Variants in ZAN observed in about 807,000 individuals in gnomAD.
The protein encoded by ZAN is zonadhesin.
ZAN carries 260 observed loss-of-function variants against 286.2 expected under a neutral mutation model. The ratio of observed to expected loss-of-function variants is 0.91; its 90% confidence interval spans 0.82 to 1.01. The LOEUF (loss-of-function observed/expected upper bound fraction) is 1.01, where lower values mean the gene tolerates loss of function less well. Among genes scored for constraint, ZAN ranks in the 50% least tolerant of loss-of-function variants. The pLI is 0.00. For synonymous variants in ZAN, 1,368 were observed against 1,417.5 expected, an observed-to-expected ratio of 0.97 and a Z score of 0.79; for missense variants, 3,410 against 3,639.2, an observed-to-expected ratio of 0.94 and a Z score of 1.62.
chr7:100,755,516 A>C (rs1048475457), intron 15 of ZAN, 106 bp downstream of exon 15: 247 of 1,322,272 alleles, frequency 1.9e-4, no homozygotes, highest in Middle Eastern at 2.6e-4. Flanking sequence ...ATCACCGGAT[A>C]GTCCCAAGGG....
rs1584641315 is a variant in ZAN, at chr7:100,795,077, T to C, written c.8126-119T>C. 3 of 1,345,346 alleles carry C rather than the reference T, an allele frequency of 2.2e-6. 1 individual carries two copies. The allele number at this position is 1,345,346 out of a possible 1,614,324, so 83.3% of individuals were successfully genotyped here. A position where few individuals can be genotyped will look rare whatever the true frequency, so the allele number is the denominator to read the frequency against. On this transcript the variant is annotated intron_variant, in intron 44 of 47. Coordinates refer to ENST00000613979, the MANE Select transcript of ZAN (RefSeq NM_003386.3). ...GTTGGGAGCCAGGCTGGCTGACCCC[T>C]GGCCAGTCTCTGGCAGCCGCTGCTT...
intron 9 of ZAN, 86 bp from the exon 10 acceptor site, chr7:100,748,051 G>C (rs1454728320): frequency 1.8e-6 from 2 of 1,110,220 alleles, no homozygotes; most frequent in Non-Finnish European, 2.7e-6. Flanking sequence ...TAGGGATTCT[G>C]GGTCCTGGAA....
At chr7:100,781,764 C>T (rs138922939) in intron 35 of ZAN, among the ~76,000 whole-genome samples, 2 of 151,608 alleles carry the variant, frequency 1.3e-5, no homozygotes, top group East Asian at 1.9e-4. Flanking sequence ...CCTCAGCCTC[C>T]GAGTAGCTGG....
At position 100,788,009 on chromosome 7, in the gene ZAN, G is replaced by C. The variant is rs1291219434; in HGVS notation, c.7100G>C (p.Gly2367Ala). The change falls in exon 38 of 48, where the codon GGG becomes GCG. Residue 2367 changes from glycine (G) to alanine (A), a missense_variant. Physicochemically the swap from Gly to Ala is moderately conservative, Grantham distance 60. This residue lies in a region of ZAN where 1,289 missense variants were observed against 1,314.3 expected (regional missense o/e 0.98). Coordinates refer to ENST00000613979, the MANE Select transcript of ZAN (RefSeq NM_003386.3). ...AAGACTGTGGACGTACTGCCTGAGG[G>C]GGTGGAGCCCCTCCTCGTGGAAGGA... is the stretch of plus-strand genomic sequence containing the variant. ...LIKTVDVLPEGVEPLLVEGRN... is the reference protein window; with the variant it reads ...LIKTVDVLPEAVEPLLVEGRN... 12 of 1,571,398 alleles carry C rather than the reference G, an allele frequency of 7.6e-6. No homozygotes were observed. Among genetic ancestry groups the C allele is most frequent in the South Asian group, 1.2e-5 (1 of 86,136 alleles).
At chr7:100,797,006 A>C (rs183740048) in intron 45 of ZAN, among the ~76,000 whole-genome samples, 11 of 152,214 alleles carry the variant, frequency 7.2e-5, no homozygotes, top group Admixed American at 5.2e-4. Context: ...GTGTGGTGGC[A>C]TGTGCCCATA....
chr7:100,773,537 A>G, intron 30 of ZAN, 44 bp downstream of exon 30: 1 of 1,601,720 alleles, frequency 6.2e-7, no homozygotes, highest in Non-Finnish European at 8.5e-7. Flanking sequence ...CCAGGCCCAC[A>G]TGTTTGGGGT....
Position 100,778,108 on chromosome 7 carries a change from C to T in ZAN, c.6318-1338C>T, listed in dbSNP as rs180978318. Among the ~76,000 whole-genome samples, 28 of 152,042 alleles carry T rather than the reference C, an allele frequency of 1.8e-4. No individual in the cohort carries two copies. The East Asian group carries it at 3.7e-3, about 20-fold the overall frequency. On this transcript the variant is annotated intron_variant, in intron 34 of 47. Transcript: ENST00000613979. ...TTGAGGCCAGGAGTTTGAGACCAGCCTAGGCAGCATAGCAAGACCCCATCT... is the reference window on the plus strand; with the variant it reads ...TTGAGGCCAGGAGTTTGAGACCAGCTTAGGCAGCATAGCAAGACCCCATCT...
In ZAN at chr7:100,759,871, C is replaced by T. The variant is rs1357397753; in HGVS notation, c.3696+26C>T. Reference sequence around the variant, plus strand: ...GTGAGCCCCATTCCACCCCCACCATCCTTGCAGGGTCTGACTGTGTGTCCT... The same window carrying T: ...GTGAGCCCCATTCCACCCCCACCATTCTTGCAGGGTCTGACTGTGTGTCCT... On this transcript the variant is annotated intron_variant, in intron 18 of 47. Transcript: ENST00000613979. 6 of 1,607,176 alleles carry T rather than the reference C, an allele frequency of 3.7e-6. No individual in the cohort carries two copies. The South Asian group carries it at 4.5e-5, about 12-fold the overall frequency.
In ZAN at chr7:100,788,070, C is replaced by A; in HGVS notation, c.7161C>A (p.Phe2387Leu). 6.3e-7 allele frequency: 1 copy of A among 1,586,898 alleles called. No homozygotes were observed. Among genetic ancestry groups the A allele is most frequent in the Non-Finnish European group, 8.6e-7 (1 of 1,161,836 alleles). ...TGGATCCGCCCAGGAGCTCCATCTT[C>A]TTGCAGGAAGTGATTACCACCGTCT... ...NKMDPPRSSI[F>L]LQEVITTVYG... Residue 2387 changes from phenylalanine (F) to leucine (L), a missense_variant, in exon 38 of 48, where the codon TTC becomes TTA. Transcript: ENST00000613979.
At chr7:100,797,201 A>G (rs966534211) in intron 45 of ZAN, among the ~76,000 whole-genome samples, 165 bp from the exon 46 acceptor site, 6 of 152,154 alleles carry the variant, frequency 3.9e-5, no homozygotes, top group Admixed American at 1.3e-4. Context: ...AAGACCTTGG[A>G]GTCCCTGGAG....
chr7:100,759,519 G>A (rs1475185509), intron 17 of ZAN, among the ~76,000 whole-genome samples: 2 of 152,214 alleles, frequency 1.3e-5, no homozygotes, highest in Non-Finnish European at 2.9e-5. Flanking sequence ...ACTGAGTGGA[G>A]ACAGACACGC....
chr7:100,795,161 G>C (rs752374602), intron 44 of ZAN, 35 bp from the exon 45 acceptor site: 7 of 1,590,446 alleles, frequency 4.4e-6, no homozygotes, highest in Non-Finnish European at 1.7e-6. Flanking sequence ...TGTCCTCCCA[G>C]GGCCCCCCTC....
intron 19 of ZAN, among the ~76,000 whole-genome samples, chr7:100,761,853 C>T (rs1290094795): frequency 6.6e-6 from 1 of 151,678 alleles, no homozygotes; most frequent in Non-Finnish European, 1.5e-5. Flanking sequence ...GCAGGAGAAT[C>T]ACTAGAACCC....
rs538275609 is a variant in ZAN at position 100,764,924 on chromosome 7, G to A, written c.4268-428G>A. 2.0e-5 allele frequency among the ~76,000 whole-genome samples: 3 copies of A among 152,176 alleles called. No individual in the cohort carries two copies. The East Asian group carries it at 5.8e-4, about 29-fold the overall frequency. ...TGTGCAGCCCAAGTCATCACACGCA[G>A]GCACACGGTACAGGCCCTAGGCAGG... is the stretch of plus-strand genomic sequence containing the variant. On this transcript the variant is annotated intron_variant, in intron 22 of 47. Transcript: ENST00000613979.
At chr7:100,785,009 T>C (rs1194213426) in intron 36 of ZAN, among the ~76,000 whole-genome samples, 175 bp downstream of exon 36, 2 of 151,928 alleles carry the variant, frequency 1.3e-5, no homozygotes, top group African/African-American at 4.8e-5. Context: ...TGGCACATGG[T>C]TTGGGTTTTG....
chr7:100,745,386 G>A (rs1045362876), intron 7 of ZAN, among the ~76,000 whole-genome samples: 2 of 151,710 alleles, frequency 1.3e-5, no homozygotes, highest in South Asian at 4.1e-4. Context: ...GCACGCACGC[G>A]AGCGCGCTCC....
In ZAN at chr7:100,736,492, C is replaced by T. The variant is rs866562653; in HGVS notation, c.116C>T (p.Thr39Ile). Residue 39 changes from threonine to isoleucine, a missense_variant, in exon 4 of 48, where the codon ACC becomes ATC. Coordinates refer to ENST00000613979, the MANE Select transcript of ZAN (RefSeq NM_003386.3). ...GACCCATTCTTCCTAGATGTCCTCA[C>T]CCAGTGTGATTTTGAGGATGACGCC... ...VRSSRDNYVL[T>I]QCDFEDDAKP... 2.0e-6 allele frequency: 3 copies of T among 1,524,172 alleles called. No individual in the cohort carries two copies. Among genetic ancestry groups the T allele is most frequent in the Middle Eastern group, 3.4e-4 (2 of 5,950 alleles). 94.4% of individuals were successfully genotyped at this position (1,524,172 alleles called of 1,614,324 possible).
chr7:100,753,309 T>C (rs1445699445), intron 14 of ZAN, 80 bp downstream of exon 14: 2 of 1,441,804 alleles, frequency 1.4e-6, no homozygotes, highest in Non-Finnish European at 1.8e-6. Flanking sequence ...GGGATGCTTC[T>C]GGTAGAAGCC....
Position 100,734,229 on chromosome 7 carries a change from G to T in ZAN, c.53+8G>T. The T allele has an allele frequency of 7.0e-7, 1 of 1,433,714 alleles. No homozygotes were observed. Among genetic ancestry groups the T allele is most frequent in the East Asian group, 2.5e-5 (1 of 39,622 alleles). 88.8% of individuals were successfully genotyped at this position (1,433,714 alleles called of 1,614,324 possible). On this transcript the variant is annotated splice_region_variant and intron_variant, in intron 2 of 47. Coordinates refer to ENST00000613979, the MANE Select transcript of ZAN (RefSeq NM_003386.3). ...GGGGGCTGCCCTTTTCAGGTAAGCT[G>T]GGCCCAGGGGGTAATGATAAACCAG... is the stretch of plus-strand genomic sequence containing the variant.
Sources: gnomAD v4.1 joint callset for allele counts (sites outside exome capture counted in the v4.1 genomes callset) on GRCh38, gnomAD v4.1.1 for gene constraint, gnomAD v4.1.1 regional missense constraint, MANE v1.5 for transcripts, NCBI Gene and HGNC (gene_info 2026-07-23, HGNC 2026-07-21) for gene names.